Variants in CACNA1B observed in about 807,000 individuals in gnomAD.
CACNA1B encodes the protein calcium voltage-gated channel subunit alpha1 B, also known as voltage-dependent N-type calcium channel subunit alpha-1B.
CACNA1B carries 70 observed loss-of-function variants against 247.2 expected under a neutral mutation model. That is an observed-to-expected ratio of 0.28 (90% CI 0.23 to 0.35). The LOEUF (loss-of-function observed/expected upper bound fraction) is 0.35, where lower values mean the gene tolerates loss of function less well. Ranked by LOEUF, CACNA1B falls within the 10% of genes least tolerant of loss-of-function variation. CACNA1B has a pLI of 1.00. For missense variants in CACNA1B, 2,367 were observed against 3,197.4 expected (o/e 0.74, Z 6.26); for synonymous variants, 1,231 against 1,294.4 (o/e 0.95, Z 1.05).
rs376476348 is a variant in CACNA1B at position 138,051,452 on chromosome 9, TCTCCCTCC to T, written c.3711-623_3711-616del. On this transcript the variant is annotated intron_variant, in intron 24 of 46. Coordinates refer to ENST00000371372, the MANE Select transcript of CACNA1B (RefSeq NM_000718.4). This position sits in a 1 kb window ranked among gnomAD's most constrained non-coding sequence, Gnocchi z 4.3. ...GCATTGATATGTCTGTCTCTATGGC[TCTCCCTCC>T]CTCCCTCCCTCCCTCCTTCCCTCCC... is the stretch of plus-strand genomic sequence containing the variant. Among the ~76,000 whole-genome samples, 66 of 149,880 alleles carry T rather than the reference TCTCCCTCC, an allele frequency of 4.4e-4. No individual in the cohort carries two copies. Among genetic ancestry groups the T allele is most frequent in the African/African-American group, 1.5e-3 (62 of 40,310 alleles).
At chr9:137,878,264 G>GT (rs1956864220) in intron 1 of CACNA1B, 47 bp downstream of exon 1, 2 of 1,156,126 alleles carry the variant, frequency 1.7e-6, no homozygotes, top group African/African-American at 3.2e-5. Flanking sequence ...GGACCGGGGT[G>GT]GGGGCCGGGG....
chr9:138,063,968 A>G (rs1262643406), intron 31 of CACNA1B, among the ~76,000 whole-genome samples: 1 of 152,206 alleles, frequency 6.6e-6, no homozygotes, highest in East Asian at 1.9e-4. Context: ...TCGAGGAGCC[A>G]GTGTGGTGGG....
Position 138,090,043 on chromosome 9 carries a change from A to G in CACNA1B, c.5095-6441A>G, listed in dbSNP as rs965545101. On this transcript the variant is annotated intron_variant, in intron 36 of 46. Transcript: ENST00000371372. ...TGCAGATTTAATGCAATCCCTATCA[A>G]AATACCAATGACATTCTTCATAGAA... Among the ~76,000 whole-genome samples the G allele has an allele frequency of 5.3e-5, 8 of 152,214 alleles. 1 individual carries two copies. Among genetic ancestry groups the G allele is most frequent in the Admixed American group, 5.2e-4 (8 of 15,280 alleles).
chr9:138,024,591 G>T (rs1486961589), intron 19 of CACNA1B, among the ~76,000 whole-genome samples: 5 of 152,198 alleles, frequency 3.3e-5, no homozygotes, highest in Non-Finnish European at 5.9e-5. Flanking sequence ...TCTGCATGGA[G>T]GCTTAAGGGT....
At position 137,888,047 on chromosome 9, in the gene CACNA1B, T is replaced by C. The variant is rs1290032023; in HGVS notation, c.530+5164T>C. Among the ~76,000 whole-genome samples, 1 of 151,526 alleles carries C rather than the reference T, an allele frequency of 6.6e-6. No homozygotes were observed. The highest frequency in any genetic ancestry group is 1.5e-5 in the Non-Finnish European group (1 of 67,852). On this transcript the variant is annotated intron_variant, in intron 3 of 46. Coordinates refer to ENST00000371372, the MANE Select transcript of CACNA1B (RefSeq NM_000718.4). The surrounding 1 kb of genome is among the most constrained non-coding windows in gnomAD (Gnocchi z 4.7). Reference sequence around the variant, plus strand: ...CCTTGGCTCGGGCGTTGGAGGGCTCTGAGCACAGGTGTGGCCCAATTGACT... The same window carrying C: ...CCTTGGCTCGGGCGTTGGAGGGCTCCGAGCACAGGTGTGGCCCAATTGACT...
chr9:138,105,917 GTC>G, intron 39 of CACNA1B, 110 bp downstream of exon 39: 2 of 672,526 alleles, frequency 3.0e-6, no homozygotes, highest in Non-Finnish European at 5.3e-6. Flanking sequence ...GGCCAGCTGT[GTC>G]TGGAGGGGTC....
At chr9:138,004,382 TA>T (rs1958620473) in intron 15 of CACNA1B, among the ~76,000 whole-genome samples, 1 of 151,872 alleles carries the variant, frequency 6.6e-6, no homozygotes, top group South Asian at 2.1e-4. Context: ...ACCCCATCTC[TA>T]CTAAAAAATA....
intron 20 of CACNA1B, among the ~76,000 whole-genome samples, chr9:138,037,486 C>T (rs1223871724): frequency 6.6e-6 from 1 of 152,114 alleles, no homozygotes; most frequent in East Asian, 1.9e-4. Context: ...TGGTGAAACC[C>T]CATCTGTACT....
chr9:138,052,235 C>CGTGT lies in CACNA1B; in HGVS notation c.3807+57_3807+60dup, dbSNP rs750199564. On this transcript the variant is annotated intron_variant, in intron 25 of 46. Transcript: ENST00000371372. This position sits in a 1 kb window ranked among gnomAD's most constrained non-coding sequence, Gnocchi z 5.1. ...TTGAGGGATGTGCTGTGTGTGTGTG[C>CGTGT]GTGTGTGTGTGTGCGTGTGTGTGTG... is the stretch of plus-strand genomic sequence containing the variant. The CGTGT allele has an allele frequency of 1.1e-5, 10 of 948,824 alleles. No individual in the cohort carries two copies. The highest frequency in any genetic ancestry group is 2.2e-4 in the Middle Eastern group (1 of 4,550). The allele number at this position is 948,824 out of a possible 1,614,324, so 58.8% of individuals were successfully genotyped here.
At chr9:137,915,240 A>C (rs149191764) in intron 5 of CACNA1B, among the ~76,000 whole-genome samples, 14 of 152,348 alleles carry the variant, frequency 9.2e-5, no homozygotes, top group Admixed American at 9.1e-4. Context: ...TGTGGGCTTC[A>C]TGGCCCTGTC....
At chr9:137,967,989 CT>C (rs918473735) in intron 10 of CACNA1B, among the ~76,000 whole-genome samples, 1 of 152,226 alleles carries the variant, frequency 6.6e-6, no homozygotes. Context: ...CTGAACTCCC[CT>C]TTTTTTCATC....
At chr9:137,897,711 C>T (rs908407264) in intron 3 of CACNA1B, among the ~76,000 whole-genome samples, 1 of 151,410 alleles carries the variant, frequency 6.6e-6, no homozygotes, top group African/African-American at 2.4e-5. Context: ...TCATTTTAAT[C>T]ATTATTATTA....
chr9:138,061,269 A>G (rs1959713103), intron 31 of CACNA1B, among the ~76,000 whole-genome samples: 1 of 151,930 alleles, frequency 6.6e-6, no homozygotes, highest in African/African-American at 2.4e-5. Flanking sequence ...GGTGGCCACC[A>G]TGGCTTTGGT....
chr9:138,091,285 C>T (rs1005373745), intron 36 of CACNA1B, among the ~76,000 whole-genome samples: 1 of 152,016 alleles, frequency 6.6e-6, no homozygotes, highest in African/African-American at 2.4e-5. Context: ...AAGTCAGGCA[C>T]AGAAAGATAA....
intron 3 of CACNA1B, among the ~76,000 whole-genome samples, chr9:137,889,194 C>G (rs564446646): frequency 1.3e-5 from 2 of 150,386 alleles, no homozygotes; most frequent in Non-Finnish European, 3.0e-5. Flanking sequence ...GAGCATGGAC[C>G]GAGCTGGGTG....
At chr9:137,960,250 G>T (rs1589034188) in intron 10 of CACNA1B, among the ~76,000 whole-genome samples, 1 of 146,294 alleles carries the variant, frequency 6.8e-6, no homozygotes, top group South Asian at 2.2e-4. Context: ...GGGGAGTTAG[G>T]CCTGAGGGAC....
At chr9:137,995,456 G>A (rs1958487265) in intron 15 of CACNA1B, among the ~76,000 whole-genome samples, 1 of 152,152 alleles carries the variant, frequency 6.6e-6, no homozygotes, top group African/African-American at 2.4e-5. Context: ...TTCAACAAAT[G>A]GTGCTGGGAT....
At chr9:138,061,560 T>A (rs1035350705) in intron 31 of CACNA1B, among the ~76,000 whole-genome samples, 12 of 152,252 alleles carry the variant, frequency 7.9e-5, no homozygotes, top group African/African-American at 2.9e-4. Context: ...CAGGGCAGCG[T>A]CTCCTAAGTG....
Position 137,987,386 on chromosome 9 carries a change from G to A in CACNA1B, c.1974+532G>A, listed in dbSNP as rs141599479. 3.9e-5 allele frequency among the ~76,000 whole-genome samples: 6 copies of A among 152,258 alleles called. No individual in the cohort carries two copies. The East Asian group carries it at 7.7e-4, about 20-fold the overall frequency. On this transcript the variant is annotated intron_variant, in intron 15 of 46. Coordinates refer to ENST00000371372, the MANE Select transcript of CACNA1B (RefSeq NM_000718.4). ...CTGCCCTCTTGGAGGGTTCCCTTTC[G>A]AGGACTTTCTTGGTTGGGTACTCTC...
Sources: gnomAD v4.1 joint callset for allele counts (sites outside exome capture counted in the v4.1 genomes callset) on GRCh38, gnomAD v4.1.1 for gene constraint, Gnocchi (gnomAD v3.1) non-coding constraint, MANE v1.5 for transcripts, NCBI Gene and HGNC (gene_info 2026-07-23, HGNC 2026-07-21) for gene names.